The following KCNJ3 variants were observed in gnomAD, a reference collection of about 807,000 sequenced individuals.
KCNJ3 encodes G protein-activated inward rectifier potassium channel 1.
Under a neutral mutation model 39.2 loss-of-function variants are expected in KCNJ3, and 4 were observed. The observed-to-expected ratio is 0.10, with a 90% CI of 0.05 to 0.23. KCNJ3 has a LOEUF of 0.23. KCNJ3 is among the 10% of genes least tolerant of loss of function. The pLI is 1.00. For synonymous variants in KCNJ3, 230 were observed against 237.4 expected (o/e 0.97, Z 0.29); for missense variants, 276 against 634.9 (o/e 0.43, Z 6.08).
At chr2:154,843,171 G>A (rs1687606178) in intron 2 of KCNJ3, among the ~76,000 whole-genome samples, 1 of 152,086 alleles carries the variant, frequency 6.6e-6, no homozygotes, top group South Asian at 2.1e-4. Flanking sequence ...GTCTGTAAAG[G>A]ATTTTATTTC....
intron 2 of KCNJ3, among the ~76,000 whole-genome samples, chr2:154,710,235 G>A (rs1685079096): frequency 6.6e-6 from 1 of 152,080 alleles, no homozygotes; most frequent in Non-Finnish European, 1.5e-5. Flanking sequence ...CATTGATAGA[G>A]CTTTGATATC....
At chr2:154,774,672 A>G (rs1467150603) in intron 2 of KCNJ3, among the ~76,000 whole-genome samples, 1 of 152,176 alleles carries the variant, frequency 6.6e-6, no homozygotes, top group South Asian at 2.1e-4. Context: ...TCTGTAATAC[A>G]TGGAAAAAAA....
At chr2:154,773,116 T>C (rs1033191586) in intron 2 of KCNJ3, among the ~76,000 whole-genome samples, 1 of 152,116 alleles carries the variant, frequency 6.6e-6, no homozygotes, top group Admixed American at 6.6e-5. Context: ...TGGTGAAAAG[T>C]TATCACATGT....
At chr2:154,781,192 C>T (rs1376673623) in intron 2 of KCNJ3, among the ~76,000 whole-genome samples, 4 of 152,132 alleles carry the variant, frequency 2.6e-5, no homozygotes, top group Non-Finnish European at 5.9e-5. Context: ...AAGAATGCAG[C>T]CCGGCCAGCA....
At chr2:154,807,605 G>A (rs1490109637) in intron 2 of KCNJ3, among the ~76,000 whole-genome samples, 1 of 152,168 alleles carries the variant, frequency 6.6e-6, no homozygotes, top group Non-Finnish European at 1.5e-5. Flanking sequence ...TACAAATGGG[G>A]ATGGAGATGA....
At chr2:154,724,746 G>A (rs1053086228) in intron 2 of KCNJ3, among the ~76,000 whole-genome samples, 12 of 151,344 alleles carry the variant, frequency 7.9e-5, no homozygotes, top group African/African-American at 2.9e-4. Flanking sequence ...AATAAAACCT[G>A]CTGCAATGGG....
intron 2 of KCNJ3, among the ~76,000 whole-genome samples, chr2:154,815,295 G>C (rs2652456): frequency 0.45 from 68,419 of 151,794 alleles, 16,497 homozygotes; most frequent in Non-Finnish European, 0.55. Flanking sequence ...ATTAATTCAG[G>C]TATAGACAAT....
At chr2:154,710,958 T>C (rs2105152624) in intron 2 of KCNJ3, among the ~76,000 whole-genome samples, 1 of 152,236 alleles carries the variant, frequency 6.6e-6, no homozygotes, top group East Asian at 1.9e-4. Flanking sequence ...AAAGCTTCTT[T>C]TCCTTCTCTT....
chr2:154,782,535 C>T (rs542969218), intron 2 of KCNJ3, among the ~76,000 whole-genome samples: 38 of 69,662 alleles, frequency 5.5e-4, no homozygotes, highest in Admixed American at 1.4e-4. Flanking sequence ...CACACACACA[C>T]ACACATACAC....
Position 154,852,438 on chromosome 2 carries a change from A to C in KCNJ3, c.920-2289A>C, listed in dbSNP as rs181299782. ...AAAAGATAGATTGTAAGGCAGTATTATCACTTAGTAAAAATATATTTATAG... is the reference window on the plus strand; with the variant it reads ...AAAAGATAGATTGTAAGGCAGTATTCTCACTTAGTAAAAATATATTTATAG... On this transcript the variant is annotated intron_variant, in intron 2 of 2. Transcript: ENST00000295101. Among the ~76,000 whole-genome samples the C allele has an allele frequency of 1.3e-3, 202 of 152,270 alleles. 1 individual carries two copies. Among genetic ancestry groups the C allele is most frequent in the African/African-American group, 4.6e-3 (193 of 41,576 alleles).
chr2:154,783,534 A>G (rs899863869), intron 2 of KCNJ3, among the ~76,000 whole-genome samples: 1 of 152,238 alleles, frequency 6.6e-6, no homozygotes. Context: ...GAAAAAACAC[A>G]TATAGAAGAT....
chr2:154,707,876 A>G (rs967405937), intron 1 of KCNJ3, among the ~76,000 whole-genome samples: 1 of 152,144 alleles, frequency 6.6e-6, no homozygotes, highest in African/African-American at 2.4e-5. Context: ...GTATTAATCA[A>G]TACTTGTTAT....
At chr2:154,726,096 A>C (rs1685353264) in intron 2 of KCNJ3, among the ~76,000 whole-genome samples, 1 of 152,182 alleles carries the variant, frequency 6.6e-6, no homozygotes, top group African/African-American at 2.4e-5. Flanking sequence ...CAGCAAAAAC[A>C]AAGATAACTA....
chr2:154,856,856 G>A lies in KCNJ3; in HGVS notation c.*1543G>A, dbSNP rs1226853550. On this transcript the variant is annotated 3_prime_UTR_variant, in exon 3 of 3. Coordinates refer to ENST00000295101, the MANE Select transcript of KCNJ3 (RefSeq NM_002239.4). ...AAAGTGCTCCTTAACAGAATATCAT[G>A]GGTTTTCCTATAAAACTTCTTTAAG... 6.6e-6 allele frequency: 1 copy of A among 151,956 alleles called. No individual in the cohort carries two copies. The highest frequency in any genetic ancestry group is 2.4e-5 in the African/African-American group (1 of 41,370). The allele number at this position is 151,956 out of a possible 1,614,324, so 9.4% of individuals were successfully genotyped here.
At chr2:154,786,663 C>T (rs1393816264) in intron 2 of KCNJ3, among the ~76,000 whole-genome samples, 1 of 152,080 alleles carries the variant, frequency 6.6e-6, no homozygotes, top group Admixed American at 6.6e-5. Context: ...CTGGCCCAAA[C>T]ACACCAAATG....
intron 2 of KCNJ3, among the ~76,000 whole-genome samples, chr2:154,711,639 A>C (rs952106793): frequency 6.6e-6 from 1 of 152,086 alleles, no homozygotes; most frequent in African/African-American, 2.4e-5. Flanking sequence ...TACTTGAAAA[A>C]TTAGGCCGGG....
intron 2 of KCNJ3, among the ~76,000 whole-genome samples, chr2:154,796,661 G>GA (rs1686725174): frequency 6.6e-6 from 1 of 151,914 alleles, no homozygotes; most frequent in African/African-American, 2.4e-5. Flanking sequence ...TGATACTTAT[G>GA]AAAAAGTATG....
chr2:154,714,774 A>G (rs1035513677), intron 2 of KCNJ3, among the ~76,000 whole-genome samples: 6 of 152,186 alleles, frequency 3.9e-5, no homozygotes, highest in Admixed American at 1.3e-4. Flanking sequence ...TTGAGCAGGT[A>G]TTGTAGGCTA....
chr2:154,851,373 C>T (rs1029389853), intron 2 of KCNJ3, among the ~76,000 whole-genome samples: 1 of 152,176 alleles, frequency 6.6e-6, no homozygotes. Context: ...TACTAATTTT[C>T]AGGAAGAACA....
Sources: allele counts gnomAD v4.1 joint callset (sites outside exome capture counted in the v4.1 genomes callset), GRCh38; gene constraint gnomAD v4.1.1; transcripts MANE v1.5; gene names NCBI Gene and HGNC (gene_info 2026-07-23, HGNC 2026-07-21).